The following DNAH10 variants were observed in gnomAD, a reference collection of about 807,000 sequenced individuals.
DNAH10 encodes the protein axonemal beta dynein heavy chain 10.
DNAH10 carries 348 observed loss-of-function variants against 506.6 expected under a neutral mutation model. The ratio of observed to expected loss-of-function variants is 0.69; its 90% CI spans 0.63 to 0.75. The LOEUF is 0.75. Among genes scored for constraint, DNAH10 ranks in the 30% least tolerant of loss-of-function variants. The pLI is 0.00. For missense variants in DNAH10, 5,179 were observed against 5,787.1 expected, an observed-to-expected ratio of 0.89 and a Z score of 3.41; for synonymous variants, 2,059 against 2,198.6, an observed-to-expected ratio of 0.94 and a Z score of 1.78.
chr12:123,782,219 A>G (rs1172453594), intron 6 of DNAH10, among the ~76,000 whole-genome samples: 1 of 151,760 alleles, frequency 6.6e-6, no homozygotes, highest in East Asian at 1.9e-4. Context: ...CTCTGATTGT[A>G]TCTTTTTTCA....
intron 24 of DNAH10, among the ~76,000 whole-genome samples, chr12:123,825,247 G>A (rs74466484): frequency 0.05 from 7,613 of 152,226 alleles, 246 homozygotes; most frequent in African/African-American, 0.093. Flanking sequence ...AATCAATGGA[G>A]TGTGGCCGTG....
At chr12:123,810,623 G>A (rs1958895005) in intron 19 of DNAH10, among the ~76,000 whole-genome samples, 1 of 152,022 alleles carries the variant, frequency 6.6e-6, no homozygotes, top group South Asian at 2.1e-4. Flanking sequence ...AACCCAGGAG[G>A]CAGAGCTTGC....
At chr12:123,793,339 G>T (rs1427114446) in intron 11 of DNAH10, among the ~76,000 whole-genome samples, 2 of 149,940 alleles carry the variant, frequency 1.3e-5, no homozygotes, top group African/African-American at 4.9e-5. Context: ...CTTAGTTACT[G>T]TCTTTTTTTT....
In DNAH10 at chr12:123,893,363, A is replaced by C. The variant is rs2137184804; in HGVS notation, c.9126A>C (p.Ala3042=). 2.5e-6 allele frequency: 4 copies of C among 1,614,004 alleles called. No individual in the cohort carries two copies. In the East Asian group the frequency reaches 8.9e-5, roughly 36 times the overall value. Residue 3042 remains alanine (A), a synonymous_variant, in exon 53 of 79, where the codon GCA becomes GCC. Transcript: ENST00000673944. The part of the protein sequence containing the change: ...SVWQYFVNKS[A]NNLHIVLGMS... ...GGCAGTACTTCGTGAACAAAAGTGC[A>C]AATAACCTGCACATTGTCCTGGGCA...
intron 21 of DNAH10, among the ~76,000 whole-genome samples, chr12:123,818,247 T>C: frequency 6.6e-6 from 1 of 152,068 alleles, no homozygotes; most frequent in Non-Finnish European, 1.5e-5. Context: ...GCACCCAGCC[T>C]CTATCTCTTT....
intron 25 of DNAH10, among the ~76,000 whole-genome samples, chr12:123,827,131 TG>T (rs34702530): frequency 0.47 from 71,884 of 151,984 alleles, 18,656 homozygotes; most frequent in African/African-American, 0.67. Context: ...AGGTGCAAAG[TG>T]GGCGTTTGCA....
intron 25 of DNAH10, among the ~76,000 whole-genome samples, 198 bp from the exon 26 acceptor site, chr12:123,830,345 ATGT>A (rs1960410670): frequency 6.6e-6 from 1 of 152,160 alleles, no homozygotes; most frequent in Non-Finnish European, 1.5e-5. Flanking sequence ...ATTTTGCAAG[ATGT>A]TGTTTTCCGG....
At chr12:123,887,499 T>C (rs1337052067) in intron 52 of DNAH10, among the ~76,000 whole-genome samples, 186 bp downstream of exon 52, 1 of 152,114 alleles carries the variant, frequency 6.6e-6, no homozygotes, top group Non-Finnish European at 1.5e-5. Flanking sequence ...TCCTGGAGTC[T>C]CCCGAGTGTG....
chr12:123,843,596 G>T (rs181936758), intron 30 of DNAH10, among the ~76,000 whole-genome samples: 57 of 148,614 alleles, frequency 3.8e-4, no homozygotes, highest in Middle Eastern at 3.4e-3. Context: ...TTTATTTATT[G>T]AGACAGAGTC....
intron 10 of DNAH10, 22 bp downstream of exon 10, chr12:123,788,024 G>T (rs764942262): frequency 9.0e-6 from 14 of 1,553,088 alleles, no homozygotes; most frequent in Non-Finnish European, 1.2e-5. Context: ...GCGAAGGCCG[G>T]CGGAATTTGC....
In DNAH10 at chr12:123,796,753, C is replaced by A. The variant is rs137932597; in HGVS notation, c.2084C>A (p.Ser695Tyr). The change falls in exon 13 of 79, where the codon TCT becomes TAT. Residue 695 changes from serine (S) to tyrosine (Y), a missense_variant. Physicochemically the swap from Ser to Tyr is moderately radical, Grantham distance 144. Transcript: ENST00000673944. ...PVAGAIYWER[S>Y]LFFRIKHTIL... ...GCAGGTGCAATATACTGGGAACGATCTCTGTTCTTTCGGATTAAGCATACC... is the reference window on the plus strand; with the variant it reads ...GCAGGTGCAATATACTGGGAACGATATCTGTTCTTTCGGATTAAGCATACC... 2.5e-4 allele frequency: 410 copies of A among 1,614,116 alleles called. 3 individuals are homozygous for A. Among genetic ancestry groups the A allele is most frequent in the Admixed American group, 3.8e-4 (23 of 60,012 alleles).
At chr12:123,773,524 A>G (rs75313739) in intron 4 of DNAH10, among the ~76,000 whole-genome samples, 7,439 of 152,322 alleles carry the variant, frequency 0.049, 244 homozygotes, top group Non-Finnish European at 0.071. Flanking sequence ...GGCTTCACCA[A>G]CAAACATCTA....
chr12:123,887,766 A>G (rs1426724650), intron 52 of DNAH10, among the ~76,000 whole-genome samples: 1 of 148,386 alleles, frequency 6.7e-6, no homozygotes, highest in Admixed American at 6.7e-5. Context: ...TTTTTTTTAG[A>G]TAGAGTCTCG....
rs1025035271 is a variant in DNAH10, at chr12:123,784,004, G to A, written c.1057G>A (p.Ala353Thr). Residue 353 changes from alanine (A) to threonine (T), a missense_variant, in exon 8 of 79, where the codon GCG (alanine) becomes ACG (threonine). By Grantham distance (58) the Ala-to-Thr change is moderately conservative (BLOSUM62 0). Around this residue, in one of 3 missense-constraint regions of DNAH10, gnomAD observed 4,844 missense variants for 5,430.5 expected, o/e 0.89. Transcript: ENST00000673944. ...FWRERNATLS[A>T]LHEQTKLPIV... ...GAGGGAAAGAAATGCAACCTTAAGT[G>A]CGCTGCATGAACAAACAAAGCTTCC... is the stretch of plus-strand genomic sequence containing the variant. 3 of 1,614,168 alleles carry A rather than the reference G, an allele frequency of 1.9e-6. No homozygotes were observed.
rs748316604 is a variant in DNAH10, at chr12:123,931,768, C to T, written c.13049C>T (p.Ser4350Leu). Residue 4350 changes from serine to leucine, a missense_variant, in exon 75 of 79, where the codon TCG becomes TTG. By Grantham distance (145) the Ser-to-Leu change is moderately radical. Coordinates refer to ENST00000673944, the MANE Select transcript of DNAH10 (RefSeq NM_001372106.1). Reference sequence around the variant, plus strand: ...CTCGGAACAGGACTCTCCCCCACTTCGGTGGTGCTCCTGCAGGAACTGGAA... The same window carrying T: ...CTCGGAACAGGACTCTCCCCCACTTTGGTGGTGCTCCTGCAGGAACTGGAA... ...KRLGTGLSPT[S>L]VVLLQELERF... The T allele has an allele frequency of 2.1e-5, 34 of 1,613,922 alleles. No homozygotes were observed. The highest frequency in any genetic ancestry group is 5.5e-5 in the South Asian group (5 of 91,090).
intron 23 of DNAH10, among the ~76,000 whole-genome samples, chr12:123,820,048 C>CA (rs1010143465): frequency 5.9e-5 from 9 of 151,498 alleles, no homozygotes; most frequent in African/African-American, 1.7e-4. Context: ...TACCATGAGA[C>CA]AAAAAAAATA....
At chr12:123,783,787 G>T (rs1957749998) in intron 7 of DNAH10, among the ~76,000 whole-genome samples, 160 bp from the exon 8 acceptor site, 1 of 152,130 alleles carries the variant, frequency 6.6e-6, no homozygotes, top group South Asian at 2.1e-4. Context: ...GGAGCCCTGA[G>T]ATTCACTATG....
chr12:123,927,465 T>TG, intron 69 of DNAH10: 1 of 153,276 alleles, frequency 6.5e-6, no homozygotes, highest in South Asian at 2.1e-4. Context: ...GCCAAGGGAG[T>TG]GGGTGGAGAG....
intron 61 of DNAH10, 96 bp downstream of exon 61, chr12:123,914,646 C>A: frequency 7.0e-7 from 1 of 1,427,326 alleles, no homozygotes; most frequent in Non-Finnish European, 9.4e-7. Flanking sequence ...GCCTGGGGGG[C>A]ATCACCAGGA....
Sources: allele counts gnomAD v4.1 joint callset (sites outside exome capture counted in the v4.1 genomes callset), GRCh38; gene constraint gnomAD v4.1.1; regional missense constraint gnomAD v4.1.1; transcripts MANE v1.5; gene names NCBI Gene and HGNC (gene_info 2026-07-23, HGNC 2026-07-21).